APOBEC1: variants seen among roughly 807,000 people sequenced by gnomAD.
APOBEC1 encodes C->U-editing enzyme APOBEC-1.
In APOBEC1, 22 loss-of-function variants were observed where a neutral mutation model predicts 26.3. The observed-to-expected ratio is 0.84, with a 90% CI of 0.60 to 1.19. APOBEC1 has a LOEUF of 1.19. Ranked by LOEUF, APOBEC1 falls within the 50% of genes most tolerant of loss-of-function variation. The pLI, the probability that APOBEC1 is intolerant of heterozygous loss-of-function variation, is 0.00. For missense variants in APOBEC1, 253 were observed against 289.0 expected (o/e 0.88, Z 0.90); for synonymous variants, 77 against 95.3 (o/e 0.81, Z 1.12).
Position 7,665,883 on chromosome 12 carries a change from C to T in APOBEC1, c.-11G>A, listed in dbSNP as rs752357467. 9.3e-6 allele frequency: 15 copies of T among 1,613,836 alleles called. No individual in the cohort carries two copies. Among genetic ancestry groups the T allele is most frequent in the Admixed American group, 1.7e-5 (1 of 59,936 alleles). On this transcript the variant is annotated 5_prime_UTR_variant, in exon 1 of 5. Transcript: ENST00000229304. ...TTTCTCAGAAGTCATGGTGCTCTGT[C>T]TCTGGACTTCCTCCTCTGGAGTCAT...
intron 1 of APOBEC1, among the ~76,000 whole-genome samples, chr12:7,662,768 C>T (rs74059002): frequency 0.087 from 13,172 of 152,136 alleles, 600 homozygotes; most frequent in Middle Eastern, 0.14. Flanking sequence ...GCTTTCCAAG[C>T]ACAGGGAACA....
At chr12:7,658,854 G>A (rs1424174679) in intron 1 of APOBEC1, among the ~76,000 whole-genome samples, 1 of 150,930 alleles carries the variant, frequency 6.6e-6, no homozygotes, top group Non-Finnish European at 1.5e-5. Context: ...TTGGGAGGCC[G>A]AGGCACAAGA....
chr12:7,667,469 A>T (rs1282662788), upstream of APOBEC1, among the ~76,000 whole-genome samples: 2 of 152,162 alleles, frequency 1.3e-5, no homozygotes, highest in Non-Finnish European at 2.9e-5. Flanking sequence ...TTAGTTATGA[A>T]AGTCAACCTG....
chr12:7,654,152 G>C (rs893406698), intron 2 of APOBEC1, among the ~76,000 whole-genome samples: 29 of 151,934 alleles, frequency 1.9e-4, no homozygotes, highest in African/African-American at 6.8e-4. Flanking sequence ...TTCACTAATG[G>C]CTATAAAAGC....
At chr12:7,652,235 G>A (rs1863653546) in intron 3 of APOBEC1, among the ~76,000 whole-genome samples, 1 of 152,152 alleles carries the variant, frequency 6.6e-6, no homozygotes, top group Non-Finnish European at 1.5e-5. Flanking sequence ...TGGGATTATA[G>A]GCATGAGCCA....
intron 1 of APOBEC1, among the ~76,000 whole-genome samples, chr12:7,659,974 A>C (rs1307182582): frequency 6.6e-6 from 1 of 152,030 alleles, no homozygotes; most frequent in Non-Finnish European, 1.5e-5. Flanking sequence ...GTCTCAAAAA[A>C]ATAAATAAAT....
At chr12:7,657,491 A>G (rs1385906429) in intron 1 of APOBEC1, among the ~76,000 whole-genome samples, 1 of 152,160 alleles carries the variant, frequency 6.6e-6, no homozygotes, top group African/African-American at 2.4e-5. Context: ...AAAGTGAGCA[A>G]GGGCTGTGGA....
At chr12:7,656,346 G>A (rs1035662168) in intron 1 of APOBEC1, among the ~76,000 whole-genome samples, 3 of 152,222 alleles carry the variant, frequency 2.0e-5, no homozygotes, top group Non-Finnish European at 4.4e-5. Context: ...TCAGTTTCCT[G>A]GGGTGCAGTG....
At chr12:7,652,861 T>C (rs750373058) in intron 2 of APOBEC1, 26 bp from the exon 3 acceptor site, 4 of 1,532,960 alleles carry the variant, frequency 2.6e-6, no homozygotes, top group Admixed American at 4.3e-5. Flanking sequence ...CAGCCCACAC[T>C]GTCATGCCAC....
At chr12:7,670,395 A>G (rs1346649984), upstream of APOBEC1, among the ~76,000 whole-genome samples, 2 of 142,152 alleles carry the variant, frequency 1.4e-5, 1 homozygote, top group East Asian at 4.1e-4. Context: ...CTCAGTTTAC[A>G]ATGAAGTCAT....
At chr12:7,660,363 G>GAAAGAAAAAGAAAGAAAGAAA (rs1565442332) in intron 1 of APOBEC1, among the ~76,000 whole-genome samples, 57 of 6,914 alleles carry the variant, frequency 8.2e-3, no homozygotes, top group African/African-American at 0.015. Flanking sequence ...AAGGAAGGAA[G>GAAAGAAAAAGAAAGAAAGAAA]GAAGGAAGGA....
At chr12:7,668,023 C>G (rs1203869790), upstream of APOBEC1, among the ~76,000 whole-genome samples, 1 of 151,542 alleles carries the variant, frequency 6.6e-6, no homozygotes, top group African/African-American at 2.4e-5. Flanking sequence ...GGGTCTTTGT[C>G]GTTAATTAAA....
intron 4 of APOBEC1, 129 bp downstream of exon 4, chr12:7,650,890 GAGCT>G: frequency 1.4e-6 from 1 of 705,648 alleles, no homozygotes; most frequent in Non-Finnish European, 2.5e-6. Context: ...TTCTTAAGAG[GAGCT>G]AGCTAGTTAA....
chr12:7,665,999 G>T (rs930818222), upstream of APOBEC1: 5 of 958,330 alleles, frequency 5.2e-6, no homozygotes, highest in Admixed American at 5.1e-5. Context: ...CGCATCTCAG[G>T]CAGTTATGGG....
chr12:7,654,586 G>A lies in APOBEC1; in HGVS notation c.44+19C>T. On this transcript the variant is annotated intron_variant, in intron 2 of 4. Transcript: ENST00000229304. ...TTCTTGATCAAATTAAATGGGCACT[G>A]TGATAGTGTTATTCTTACCTCAGAG... The A allele has an allele frequency of 3.7e-6, 6 of 1,612,552 alleles. No individual in the cohort carries two copies. The highest frequency in any genetic ancestry group is 5.1e-6 in the Non-Finnish European group (6 of 1,178,628).
At chr12:7,651,467 A>G (rs1457969887) in intron 3 of APOBEC1, among the ~76,000 whole-genome samples, 1 of 151,824 alleles carries the variant, frequency 6.6e-6, no homozygotes, top group Non-Finnish European at 1.5e-5. Flanking sequence ...ACAAAAAATT[A>G]GCCGGGCGTG....
At chr12:7,668,494 G>T (rs1026121269), upstream of APOBEC1, among the ~76,000 whole-genome samples, 1 of 152,096 alleles carries the variant, frequency 6.6e-6, no homozygotes, top group African/African-American at 2.4e-5. Flanking sequence ...CCTATTGAGC[G>T]CTTCGTCCAT....
intron 1 of APOBEC1, among the ~76,000 whole-genome samples, chr12:7,656,621 G>T (rs1863718805): frequency 6.6e-6 from 1 of 152,148 alleles, no homozygotes. Context: ...TCCCAGTTTA[G>T]CCAATTACTT....
At chr12:7,666,034 G>T, upstream of APOBEC1, 1 of 761,526 alleles carries the variant, frequency 1.3e-6, no homozygotes, top group Non-Finnish European at 2.4e-6. Flanking sequence ...GTACAAACAG[G>T]GGGCCGACTG....
Sources: gnomAD v4.1 joint callset for allele counts (sites outside exome capture counted in the v4.1 genomes callset) on GRCh38, gnomAD v4.1.1 for gene constraint, MANE v1.5 for transcripts, NCBI Gene and HGNC (gene_info 2026-07-23, HGNC 2026-07-21) for gene names.